The following NAALADL2 variants were observed in gnomAD, a reference collection of about 807,000 sequenced individuals.
NAALADL2 encodes inactive N-acetylated-alpha-linked acidic dipeptidase-like protein 2.
Under a neutral mutation model 87.2 loss-of-function variants are expected in NAALADL2, and 76 were observed. The ratio of observed to expected loss-of-function variants is 0.87; its 90% CI spans 0.72 to 1.05. The LOEUF (loss-of-function observed/expected upper bound fraction) is 1.05. Among genes scored for constraint, NAALADL2 ranks in the 50% least tolerant of loss-of-function variants. The pLI, the probability that NAALADL2 is intolerant of heterozygous loss-of-function variation, is 0.00. For synonymous variants in NAALADL2, 354 were observed against 331.0 expected, an observed-to-expected ratio of 1.07 and a Z score of -0.75; for missense variants, 1,089 against 945.8, an observed-to-expected ratio of 1.15 and a Z score of -1.99.
chr3:174,990,219 T>C (rs571284396), intron 1 of NAALADL2, among the ~76,000 whole-genome samples: 86 of 152,286 alleles, frequency 5.6e-4, no homozygotes, highest in Non-Finnish European at 8.8e-4. Context: ...AAACTATTGA[T>C]ATAATGTTTC....
intron 2 of NAALADL2, among the ~76,000 whole-genome samples, chr3:174,623,054 G>A (rs1721193500): frequency 6.6e-6 from 1 of 152,038 alleles, no homozygotes; most frequent in Non-Finnish European, 1.5e-5. Context: ...AAAAAAAAGA[G>A]GACTCATCTG....
chr3:175,160,903 G>T (rs923893475), intron 2 of NAALADL2, among the ~76,000 whole-genome samples: 8 of 151,452 alleles, frequency 5.3e-5, no homozygotes, highest in Admixed American at 1.3e-4. Context: ...TTATTTCCAA[G>T]GATTAGCTCT....
intron 2 of NAALADL2, among the ~76,000 whole-genome samples, chr3:174,707,052 C>T (rs1730143331): frequency 6.6e-6 from 1 of 152,152 alleles, no homozygotes; most frequent in Non-Finnish European, 1.5e-5. Context: ...AAATGCTCAT[C>T]ATCACTGGCC....
At chr3:175,765,928 C>A (rs1170373236) in intron 13 of NAALADL2, among the ~76,000 whole-genome samples, 1 of 152,074 alleles carries the variant, frequency 6.6e-6, no homozygotes, top group East Asian at 1.9e-4. Context: ...GGGATTCAAA[C>A]CTAGTTTGTT....
At chr3:174,833,786 G>T (rs1238480490) in intron 3 of NAALADL2, among the ~76,000 whole-genome samples, 1 of 151,280 alleles carries the variant, frequency 6.6e-6, no homozygotes. Flanking sequence ...TATATTGAGA[G>T]AGTAAATGGG....
intron 11 of NAALADL2, among the ~76,000 whole-genome samples, chr3:175,697,809 T>G (rs1410535080): frequency 4.4e-5 from 6 of 137,408 alleles, no homozygotes; most frequent in Admixed American, 2.2e-4. Flanking sequence ...GTATATATAT[T>G]TATGTATGTA....
intron 11 of NAALADL2, among the ~76,000 whole-genome samples, chr3:175,727,035 T>C (rs1426615243): frequency 6.6e-6 from 1 of 152,118 alleles, no homozygotes; most frequent in Non-Finnish European, 1.5e-5. Context: ...ATAATCAAAT[T>C]AAATTTCAGT....
chr3:174,978,682 T>C (rs957181747), intron 1 of NAALADL2, among the ~76,000 whole-genome samples: 5 of 152,360 alleles, frequency 3.3e-5, no homozygotes, highest in Admixed American at 1.3e-4. Context: ...CAAATGTGGC[T>C]GAGGTAAAAC....
intron 10 of NAALADL2, 113 bp downstream of exon 10, chr3:175,576,300 G>T: frequency 1.0e-6 from 1 of 952,442 alleles, no homozygotes; most frequent in Non-Finnish European, 1.6e-6. Flanking sequence ...ATAGAAAAGC[G>T]GCTTCATTTA....
At chr3:174,792,569 T>C (rs1717595104) in intron 3 of NAALADL2, among the ~76,000 whole-genome samples, 1 of 152,140 alleles carries the variant, frequency 6.6e-6, no homozygotes, top group Admixed American at 6.5e-5. Flanking sequence ...ATGTTCTGCC[T>C]AGATTGATGA....
intron 1 of NAALADL2, among the ~76,000 whole-genome samples, chr3:174,941,065 GCTT>G (rs1738506876): frequency 2.0e-5 from 3 of 151,836 alleles, no homozygotes; most frequent in Admixed American, 1.3e-4. Flanking sequence ...GGTTTGTTTT[GCTT>G]CTGTAATTCT....
intron 1 of NAALADL2, among the ~76,000 whole-genome samples, chr3:174,546,145 T>C (rs1722706621): frequency 6.6e-6 from 1 of 152,090 alleles, no homozygotes; most frequent in South Asian, 2.1e-4. Flanking sequence ...CACTATGAAA[T>C]GATGAGGAGA....
At chr3:175,157,686 A>G (rs938038234) in intron 2 of NAALADL2, among the ~76,000 whole-genome samples, 29 of 152,052 alleles carry the variant, frequency 1.9e-4, no homozygotes, top group African/African-American at 5.8e-4. Context: ...AAATGAAGAG[A>G]AACAAGAAAT....
chr3:175,492,167 T>G (rs1446058131), intron 9 of NAALADL2, among the ~76,000 whole-genome samples: 3 of 152,224 alleles, frequency 2.0e-5, no homozygotes, highest in African/African-American at 7.2e-5. Context: ...ATGCTGCCTC[T>G]TAATGTGGAA....
At chr3:174,570,210 G>A (rs1382969935) in intron 2 of NAALADL2, among the ~76,000 whole-genome samples, 1 of 150,420 alleles carries the variant, frequency 6.6e-6, no homozygotes, top group Non-Finnish European at 1.5e-5. Flanking sequence ...ATTTATTTAT[G>A]CTTTGTTTTA....
chr3:175,447,527 C>T (rs763238211), intron 6 of NAALADL2, among the ~76,000 whole-genome samples, 155 bp downstream of exon 6: 2 of 152,062 alleles, frequency 1.3e-5, no homozygotes, highest in Admixed American at 6.6e-5. Flanking sequence ...TCTTTAGCAG[C>T]ATGTTTGGAA....
intron 4 of NAALADL2, among the ~76,000 whole-genome samples, chr3:175,274,230 T>A (rs555063554): frequency 1.6e-4 from 24 of 152,194 alleles, no homozygotes; most frequent in African/African-American, 5.8e-4. Flanking sequence ...TATAGAACAG[T>A]CAGATCTCAT....
intron 2 of NAALADL2, among the ~76,000 whole-genome samples, chr3:175,100,838 C>CAAA (rs562200946): frequency 1.7e-4 from 12 of 69,308 alleles, no homozygotes; most frequent in Non-Finnish European, 2.2e-4. Context: ...GACTCTGTCT[C>CAAA]AAAAAAAAAA....
chr3:174,635,497 G>A (rs1722542605), intron 2 of NAALADL2, among the ~76,000 whole-genome samples: 1 of 120,630 alleles, frequency 8.3e-6, no homozygotes. Context: ...CGTTGTGGTG[G>A]TGGTTGTGGT....
Sources: allele counts gnomAD v4.1 joint callset (sites outside exome capture counted in the v4.1 genomes callset), GRCh38; gene constraint gnomAD v4.1.1; transcripts MANE v1.5; gene names NCBI Gene and HGNC (gene_info 2026-07-23, HGNC 2026-07-21).